The following OPLAH variants were observed in gnomAD, a reference collection of about 807,000 sequenced individuals.
The protein encoded by OPLAH is 5-oxoprolinase.
Under a neutral mutation model 122.8 loss-of-function variants are expected in OPLAH, and 103 were observed. That is an observed-to-expected ratio of 0.84 (90% CI 0.71 to 0.99). OPLAH has a LOEUF of 0.99. Among genes scored for constraint, OPLAH ranks in the 50% least tolerant of loss-of-function variants. The probability of loss-of-function intolerance (pLI) is 0.00; values close to 1 mark genes in which losing one functional copy is unlikely to be tolerated. For synonymous variants in OPLAH, 875 were observed against 796.0 expected (o/e 1.10, Z -1.67); for missense variants, 1,902 against 1,836.5 (o/e 1.04, Z -0.65).
At chr8:144,051,007 C>T, downstream of OPLAH, 5 of 1,126,042 alleles carry the variant, frequency 4.4e-6, no homozygotes, top group South Asian at 3.4e-5. Context: ...AGCCGCCGAG[C>T]TAAGCCCTGG....
chr8:144,060,013 C>T lies in OPLAH; in HGVS notation c.20G>A (p.Arg7His), dbSNP rs782516644. The change falls in exon 2 of 27, where the codon CGC (arginine) becomes CAC (histidine). Residue 7 changes from arginine to histidine, a missense_variant. Around this residue, in one of 3 missense-constraint regions of OPLAH, gnomAD observed 168 missense variants for 170.6 expected, o/e 0.98. Transcript: ENST00000618853. Reference protein sequence around the residue: MGSPEGRFHFAIDRGGT... With the variant: MGSPEGHFHFAIDRGGT... ...CCCACGGTCGATGGCAAAGTGGAAG[C>T]GGCCCTCGGGGCTGCCCATGGTGGT... 8.1e-6 allele frequency: 13 copies of T among 1,612,284 alleles called. No individual in the cohort carries two copies. Among genetic ancestry groups the T allele is most frequent in the East Asian group, 4.5e-5 (2 of 44,892 alleles).
chr8:144,053,325 TGTC>T lies in OPLAH; in HGVS notation c.2752_2754del (p.Asp918del), dbSNP rs1201835314. 9.9e-6 allele frequency: 16 copies of T among 1,612,824 alleles called. No homozygotes were observed. Among genetic ancestry groups the T allele is most frequent in the Non-Finnish European group, 1.3e-5 (15 of 1,179,820 alleles). ...ACCTGGGCACGGAGGTCCGACAGGT[TGTC>T]GTGCAGGTTTCTGGTTCCGCTGCAG... On this transcript the variant is annotated inframe_deletion, in exon 20 of 27. Coordinates refer to ENST00000618853, the MANE Select transcript of OPLAH (RefSeq NM_017570.5).
upstream of OPLAH, among the ~76,000 whole-genome samples, chr8:144,061,660 A>G (rs868988383): frequency 6.6e-6 from 1 of 152,236 alleles, no homozygotes; most frequent in African/African-American, 2.4e-5. Context: ...AAGTTACCCT[A>G]TATGGTCTAG....
rs1554757733 is a variant in OPLAH, at chr8:144,051,835, G to A, written c.3623-9C>T. ...GGCGCCAGGCTCGCCCCCTGCGGAG[G>A]GAGGCGAGGAGTCCAGAGAGACCAG... On this transcript the variant is annotated splice_polypyrimidine_tract_variant and intron_variant, in intron 25 of 26. Coordinates refer to ENST00000618853, the MANE Select transcript of OPLAH (RefSeq NM_017570.5). The A allele has an allele frequency of 1.9e-6, 3 of 1,555,688 alleles. No homozygotes were observed. The highest frequency in any genetic ancestry group is 2.6e-6 in the Non-Finnish European group (3 of 1,154,332).
At position 144,056,966 on chromosome 8, in the gene OPLAH, T is replaced by C; in HGVS notation, c.1688A>G (p.Gln563Arg). 1 of 1,581,768 alleles carries C rather than the reference T, an allele frequency of 6.3e-7. No homozygotes were observed. Among genetic ancestry groups the C allele is most frequent in the South Asian group, 1.2e-5 (1 of 86,690 alleles). Residue 563 changes from glutamine to arginine, a missense_variant, in exon 12 of 27, where the codon CAG (glutamine) becomes CGG (arginine). Physicochemically the swap from Gln to Arg is conservative, Grantham distance 43 (BLOSUM62 1). Around this residue, in one of 3 missense-constraint regions of OPLAH, gnomAD observed 1,726 missense variants for 1,642.1 expected, o/e 1.05. Transcript: ENST00000618853. Reference protein sequence around the residue: ...RLEEQCVDALQAQGFPRSQIS... With the variant: ...RLEEQCVDALRAQGFPRSQIS... Reference sequence around the variant, plus strand: ...AGCCCACCTGGGGAAGCCCTGGGCCTGCAGAGCATCCACACACTGCTCCTC... The same window carrying C: ...AGCCCACCTGGGGAAGCCCTGGGCCCGCAGAGCATCCACACACTGCTCCTC...
Position 144,055,061 on chromosome 8 carries a change from G to C in OPLAH, c.2377C>G (p.Leu793Val), listed in dbSNP as rs781855676. ...TGCACCGTCTCCTGCATGGCACCCA[G>C]GTGCACAGGGATGTGGGGGGCATTG... is the stretch of plus-strand genomic sequence containing the variant. ...VSNAPHIPVH[L>V]GAMQETVQFQ... Residue 793 changes from leucine (L) to valine (V), a missense_variant, in exon 17 of 27, where the codon CTG becomes GTG. Coordinates refer to ENST00000618853, the MANE Select transcript of OPLAH (RefSeq NM_017570.5). This position sits in a 1 kb window ranked among gnomAD's most constrained non-coding sequence, Gnocchi z 6.5. 8 of 1,542,452 alleles carry C rather than the reference G, an allele frequency of 5.2e-6. No individual in the cohort carries two copies. In the African/African-American group the frequency reaches 6.8e-5, roughly 13 times the overall value.
rs1230135110 is a variant in OPLAH, at chr8:144,052,458, G to A, written c.3294C>T (p.Ala1098=). Residue 1098 remains alanine, a synonymous_variant, in exon 23 of 27, where the codon GCC becomes GCT. Transcript: ENST00000618853. ...CACCCCGCCCCCGCACCTGGGAGGC[G>A]GCGCAGGCCCCAAAGGCCCCCAGGA... The part of the protein sequence containing the change: ...DVILGAFGAC[A]ASQGCMNNVT... 1.3e-6 allele frequency: 2 copies of A among 1,538,760 alleles called. No individual in the cohort carries two copies. The highest frequency in any genetic ancestry group is 1.4e-5 in the African/African-American group (1 of 73,000).
At position 144,052,052 on chromosome 8, in the gene OPLAH, G is replaced by A; in HGVS notation, c.3486C>T (p.Phe1162=). 1.3e-6 allele frequency: 2 copies of A among 1,587,806 alleles called. No individual in the cohort carries two copies. Among genetic ancestry groups the A allele is most frequent in the Non-Finnish European group, 8.5e-7 (1 of 1,175,096 alleles). The part of the protein sequence containing the change: ...ESRYPVILRR[F]ELRRGSGGRG... ...TGCCCCCCGAGCCCCGCCGCAGCTC[G>A]AAGCGGCGCAGGATGACCGGGTACC... Residue 1162 remains phenylalanine (F), a synonymous_variant, in exon 25 of 27, where the codon TTC becomes TTT. Transcript: ENST00000618853.
Position 144,057,335 on chromosome 8 carries a change from G to A in OPLAH, c.1423-15C>T. On this transcript the variant is annotated splice_polypyrimidine_tract_variant and intron_variant, in intron 10 of 26. Transcript: ENST00000618853. ...TGGCCTCTTGCCTAGGGAGACAGAA[G>A]GGGTCAGTGGGCTCTCCTACTCTAC... 2 of 1,605,334 alleles carry A rather than the reference G, an allele frequency of 1.2e-6. No homozygotes were observed. The highest frequency in any genetic ancestry group is 1.7e-6 in the Non-Finnish European group (2 of 1,176,576).
At chr8:144,060,704 C>G (rs1835647753), upstream of OPLAH, 1 of 152,118 alleles carries the variant, frequency 6.6e-6, no homozygotes, top group Admixed American at 6.6e-5. Flanking sequence ...CCTGCGCTCC[C>G]GGCGGCCCTG....
At position 144,055,201 on chromosome 8, in the gene OPLAH, A is replaced by G. The variant is rs1554758704; in HGVS notation, c.2249-12T>C. 3.3e-6 allele frequency: 5 copies of G among 1,504,836 alleles called. No individual in the cohort carries two copies. Among genetic ancestry groups the G allele is most frequent in the African/African-American group, 2.8e-5 (2 of 71,160 alleles). 93.2% of individuals were successfully genotyped at this position (1,504,836 alleles called of 1,614,324 possible). A position where few individuals can be genotyped will look rare whatever the true frequency, so the allele number is the denominator to read the frequency against. The stretch of plus-strand genomic sequence containing the variant: ...GCGGCCCATCTGCTCTAGGAGCACA[A>G]AGTGACCAGGCCCGCTGGCCCCACC... On this transcript the variant is annotated splice_polypyrimidine_tract_variant and intron_variant, in intron 16 of 26. Coordinates refer to ENST00000618853, the MANE Select transcript of OPLAH (RefSeq NM_017570.5). The surrounding 1 kb of genome is among the most constrained non-coding windows in gnomAD (Gnocchi z 6.5).
At position 144,055,352 on chromosome 8, in the gene OPLAH, G is replaced by A. The variant is rs531856528; in HGVS notation, c.2249-163C>T. Among the ~76,000 whole-genome samples, 4 of 152,036 alleles carry A rather than the reference G, an allele frequency of 2.6e-5. No homozygotes were observed. Among genetic ancestry groups the A allele is most frequent in the South Asian group, 2.1e-4 (1 of 4,824 alleles). On this transcript the variant is annotated intron_variant, in intron 16 of 26. Coordinates refer to ENST00000618853, the MANE Select transcript of OPLAH (RefSeq NM_017570.5). This position sits in a 1 kb window ranked among gnomAD's most constrained non-coding sequence, Gnocchi z 6.5. ...GTTGACGGTGTGCCCACTTGGCCAC[G>A]TCTTAGCCTATGTAAAGGACACCAC...
intron 26 of OPLAH, 49 bp downstream of exon 26, chr8:144,051,680 C>A: frequency 1.4e-6 from 2 of 1,428,834 alleles, no homozygotes. Flanking sequence ...TGGGATGGGG[C>A]CGGGAGGGGA....
Position 144,053,288 on chromosome 8 carries a change from T to C in OPLAH, c.2792A>G (p.Gln931Arg), listed in dbSNP as rs200702041. ...CTCCCCCACCAGCTGGATGCCCTTC[T>C]GGTTGGCTGCCACCTGGGCACGGAG... Reference protein sequence around the residue: ...SDLRAQVAANQKGIQLVGELI... With the variant: ...SDLRAQVAANRKGIQLVGELI... Residue 931 changes from glutamine to arginine, a missense_variant, in exon 20 of 27, where the codon CAG becomes CGG. Gln to Arg is a conservative substitution (Grantham distance 43). Around this residue, in one of 3 missense-constraint regions of OPLAH, gnomAD observed 1,726 missense variants for 1,642.1 expected, o/e 1.05. Coordinates refer to ENST00000618853, the MANE Select transcript of OPLAH (RefSeq NM_017570.5). 6,979 of 1,613,050 alleles carry C rather than the reference T, an allele frequency of 4.3e-3. 18 individuals are homozygous for C. The highest frequency in any genetic ancestry group is 5.6e-3 in the Non-Finnish European group (6,580 of 1,179,804).
At position 144,056,930 on chromosome 8, in the gene OPLAH, G is replaced by A. The variant is rs1835532217; in HGVS notation, c.1706+18C>T. The A allele has an allele frequency of 1.3e-6, 2 of 1,560,180 alleles. No individual in the cohort carries two copies. The highest frequency in any genetic ancestry group is 1.2e-5 in the South Asian group (1 of 85,044). Reference sequence around the variant, plus strand: ...AGGACAACGTAAGCCCTCTGTCCAGGGCACCCTGGGAGCCCACCTGGGGAA... The same window carrying A: ...AGGACAACGTAAGCCCTCTGTCCAGAGCACCCTGGGAGCCCACCTGGGGAA... On this transcript the variant is annotated intron_variant, in intron 12 of 26. Transcript: ENST00000618853.
In OPLAH at chr8:144,051,797, G is replaced by A. The variant is rs1554757721; in HGVS notation, c.3652C>T (p.Leu1218=). 6.2e-7 allele frequency: 1 copy of A among 1,604,072 alleles called. No individual in the cohort carries two copies. The highest frequency in any genetic ancestry group is 8.5e-7 in the Non-Finnish European group (1 of 1,177,450). ...GGEPGARGLN[L]LIRKNGRTVN... ...GTCCGGCCGTTTTTGCGGATCAGCA[G>A]GTTTAGGCCGCGGGCGCCAGGCTCG... Residue 1218 remains leucine, a synonymous_variant, in exon 26 of 27, where the codon CTG becomes TTG. Coordinates refer to ENST00000618853, the MANE Select transcript of OPLAH (RefSeq NM_017570.5).
chr8:144,060,199 G>C, intron 1 of OPLAH, 114 bp from the exon 2 acceptor site: 1 of 772,148 alleles, frequency 1.3e-6, no homozygotes, highest in East Asian at 2.7e-5. Context: ...ACTCTGGGAA[G>C]AGCCAGAGCC....
At chr8:144,050,370 G>T (rs1317217447), downstream of OPLAH, 13 of 983,264 alleles carry the variant, frequency 1.3e-5, no homozygotes, top group Non-Finnish European at 1.3e-5. Flanking sequence ...TTGGGGCCGA[G>T]AAGTTTGAGG....
chr8:144,056,580 G>A (rs559071611), intron 13 of OPLAH, 38 bp downstream of exon 13: 30 of 1,612,242 alleles, frequency 1.9e-5, no homozygotes, highest in Non-Finnish European at 2.5e-5. Flanking sequence ...AGACAGGAGG[G>A]CCCCTTGCCA....
Sources: gnomAD v4.1 joint callset for allele counts (sites outside exome capture counted in the v4.1 genomes callset) on GRCh38, gnomAD v4.1.1 for gene constraint, gnomAD v4.1.1 regional missense constraint, Gnocchi (gnomAD v3.1) non-coding constraint, MANE v1.5 for transcripts, NCBI Gene and HGNC (gene_info 2026-07-23, HGNC 2026-07-21) for gene names.